Variants in FAF1 observed in about 807,000 individuals in gnomAD.
FAF1 encodes Fas associated factor 1.
FAF1 carries 25 observed loss-of-function variants against 92.5 expected under a neutral mutation model. That is an observed-to-expected ratio of 0.27 (90% CI 0.20 to 0.38). The LOEUF (loss-of-function observed/expected upper bound fraction) is 0.38, where lower values mean the gene tolerates loss of function less well. FAF1 is among the 10% of genes least tolerant of loss of function. The pLI is 1.00. For synonymous variants in FAF1, 234 were observed against 273.2 expected (o/e 0.86, Z 1.42); for missense variants, 636 against 793.3 (o/e 0.80, Z 2.38).
intron 1 of FAF1, among the ~76,000 whole-genome samples, chr1:50,906,380 A>G: frequency 6.6e-6 from 1 of 152,174 alleles, no homozygotes; most frequent in Non-Finnish European, 1.5e-5. Flanking sequence ...TTGGTTCCAT[A>G]TGAACTTTAA....
intron 2 of FAF1, among the ~76,000 whole-genome samples, chr1:50,806,589 C>T (rs1030298767): frequency 4.6e-5 from 7 of 152,304 alleles, no homozygotes; most frequent in East Asian, 1.9e-4. Flanking sequence ...CCCACTAACC[C>T]GCTGAGACAA....
chr1:50,762,708 A>G (rs1660378200), intron 4 of FAF1, among the ~76,000 whole-genome samples: 2 of 152,340 alleles, frequency 1.3e-5, no homozygotes, highest in South Asian at 4.1e-4. Flanking sequence ...TTAAAGACTT[A>G]AATGTTAGAC....
intron 12 of FAF1, among the ~76,000 whole-genome samples, chr1:50,572,589 G>C (rs1650496055): frequency 6.6e-6 from 1 of 152,228 alleles, no homozygotes; most frequent in African/African-American, 2.4e-5. Flanking sequence ...AGTGCAATGT[G>C]AGAACACAAG....
intron 18 of FAF1, among the ~76,000 whole-genome samples, chr1:50,472,670 T>C (rs564148311): frequency 3.1e-3 from 471 of 152,302 alleles, no homozygotes; most frequent in Non-Finnish European, 5.3e-3. Flanking sequence ...AACCAGTCTC[T>C]GCTTTGTGGA....
intron 3 of FAF1, among the ~76,000 whole-genome samples, chr1:50,798,342 A>C (rs764821579): frequency 2.0e-5 from 3 of 152,256 alleles, no homozygotes; most frequent in Non-Finnish European, 4.4e-5. Context: ...ATATGAGTTA[A>C]TAAATACCAT....
At chr1:50,599,968 T>TTG (rs1557428427) in intron 8 of FAF1, among the ~76,000 whole-genome samples, 1 of 152,178 alleles carries the variant, frequency 6.6e-6, no homozygotes, top group East Asian at 1.9e-4. Context: ...AATGCTCCAA[T>TTG]GAGCATTTCC....
At chr1:50,787,365 G>A (rs191941219) in intron 4 of FAF1, among the ~76,000 whole-genome samples, 1 of 152,326 alleles carries the variant, frequency 6.6e-6, no homozygotes, top group Admixed American at 6.5e-5. Context: ...ATTAGGCAAT[G>A]AGAGCTTTGT....
intron 2 of FAF1, among the ~76,000 whole-genome samples, chr1:50,857,201 C>A (rs1644396835): frequency 6.6e-6 from 1 of 151,752 alleles, no homozygotes; most frequent in African/African-American, 2.4e-5. Context: ...TTATGTAAGT[C>A]CACATAACAT....
intron 15 of FAF1, among the ~76,000 whole-genome samples, chr1:50,530,104 TG>T (rs1648059804): frequency 6.6e-6 from 1 of 152,102 alleles, no homozygotes; most frequent in Non-Finnish European, 1.5e-5. Context: ...GCATTTTCAG[TG>T]GAATTCTAAT....
chr1:50,880,915 T>A (rs1345499593), intron 1 of FAF1, among the ~76,000 whole-genome samples: 1 of 152,222 alleles, frequency 6.6e-6, no homozygotes, highest in African/African-American at 2.4e-5. Context: ...CTTGTTGGTT[T>A]TCAGCTTTGG....
At chr1:50,686,704 A>G (rs1318398539) in intron 7 of FAF1, among the ~76,000 whole-genome samples, 1 of 152,172 alleles carries the variant, frequency 6.6e-6, no homozygotes, top group East Asian at 1.9e-4. Context: ...AGAAAACTGT[A>G]TCCAACATTA....
At chr1:50,781,268 AAAGTG>A (rs1661167026) in intron 4 of FAF1, 1 of 154,458 alleles carries the variant, frequency 6.5e-6, no homozygotes, top group African/African-American at 2.4e-5. Context: ...TGATTGGCTT[AAAGTG>A]AAGTAAATAA....
intron 4 of FAF1, among the ~76,000 whole-genome samples, chr1:50,787,391 C>T (rs901878961): frequency 2.6e-5 from 4 of 152,084 alleles, no homozygotes; most frequent in Non-Finnish European, 4.4e-5. Context: ...GGATTAGATG[C>T]CCTTATAAAA....
intron 1 of FAF1, among the ~76,000 whole-genome samples, chr1:50,917,853 T>C (rs2124729247): frequency 6.6e-6 from 1 of 152,316 alleles, no homozygotes; most frequent in East Asian, 1.9e-4. Flanking sequence ...GCAATACATT[T>C]ATCTGATGAA....
intron 18 of FAF1, chr1:50,451,787 A>G: frequency 1.0e-6 from 1 of 970,002 alleles, no homozygotes; most frequent in Non-Finnish European, 1.2e-6. Context: ...AGTGGAAAGA[A>G]CTTACCCAAG....
At chr1:50,734,314 A>G (rs1483489516) in intron 6 of FAF1, among the ~76,000 whole-genome samples, 2 of 152,212 alleles carry the variant, frequency 1.3e-5, no homozygotes, top group Non-Finnish European at 2.9e-5. Flanking sequence ...CATTCTCACC[A>G]TTCTACCAAA....
intron 17 of FAF1, among the ~76,000 whole-genome samples, chr1:50,488,489 C>A (rs1203704973): frequency 6.6e-6 from 1 of 152,130 alleles, no homozygotes; most frequent in Non-Finnish European, 1.5e-5. Flanking sequence ...ACACACAGAG[C>A]TAGAGAGTGT....
chr1:50,652,647 T>A (rs1312658560), intron 8 of FAF1, among the ~76,000 whole-genome samples: 1 of 152,240 alleles, frequency 6.6e-6, no homozygotes, highest in African/African-American at 2.4e-5. Flanking sequence ...GAGAACAGTA[T>A]AATAAACCCA....
chr1:50,844,643 T>C (rs550529746), intron 2 of FAF1, among the ~76,000 whole-genome samples: 1 of 151,482 alleles, frequency 6.6e-6, no homozygotes, highest in South Asian at 2.1e-4. Context: ...AGAAACTGAT[T>C]CGGGAAAAAT....
Sources: gnomAD v4.1 joint callset for allele counts (sites outside exome capture counted in the v4.1 genomes callset) on GRCh38, gnomAD v4.1.1 for gene constraint, MANE v1.5 for transcripts, NCBI Gene and HGNC (gene_info 2026-07-23, HGNC 2026-07-21) for gene names.